SIAH1: variants seen among roughly 807,000 people sequenced by gnomAD.
The protein encoded by SIAH1 is siah E3 ubiquitin protein ligase 1, also known as E3 ubiquitin-protein ligase SIAH1.
A neutral mutation model predicts 20.0 loss-of-function variants in SIAH1; 2 were observed. That is an observed-to-expected ratio of 0.10 (90% CI 0.04 to 0.31). The LOEUF is 0.31. SIAH1 is among the 10% of genes least tolerant of loss of function. SIAH1 has a pLI of 1.00. For synonymous variants in SIAH1, 118 were observed against 125.3 expected (o/e 0.94, Z 0.39); for missense variants, 119 against 355.3 (o/e 0.33, Z 5.35).
intron 1 of SIAH1, chr16:48,365,631 G>A: frequency 7.0e-7 from 1 of 1,431,008 alleles, no homozygotes; most frequent in Non-Finnish European, 9.1e-7. Flanking sequence ...TTACAGAGGT[G>A]GAGAAAGGAA....
At chr16:48,369,452 A>G (rs1475371534) in intron 1 of SIAH1, among the ~76,000 whole-genome samples, 2 of 152,234 alleles carry the variant, frequency 1.3e-5, no homozygotes, top group East Asian at 3.8e-4. Context: ...TAAACATTAG[A>G]TATACATGGA....
upstream of SIAH1, among the ~76,000 whole-genome samples, chr16:48,386,265 G>C (rs951003190): frequency 1.3e-5 from 2 of 152,202 alleles, no homozygotes; most frequent in African/African-American, 4.8e-5. Context: ...CCAGCACTTA[G>C]GGAGGCCGAG....
At chr16:48,366,512 G>T (rs191961532) in intron 1 of SIAH1, among the ~76,000 whole-genome samples, 2 of 152,264 alleles carry the variant, frequency 1.3e-5, no homozygotes, top group African/African-American at 4.8e-5. Flanking sequence ...CCTCCTAAGA[G>T]ATTATACTCT....
upstream of SIAH1, among the ~76,000 whole-genome samples, chr16:48,386,587 T>C (rs1479684277): frequency 6.6e-6 from 1 of 152,274 alleles, no homozygotes; most frequent in African/African-American, 2.4e-5. Context: ...AGTTTATATG[T>C]GCAAAACACT....
At chr16:48,385,454 C>CGGCGGCCATGAGGA (rs1447190627), upstream of SIAH1, 9 of 150,158 alleles carry the variant, frequency 6.0e-5, no homozygotes, top group Admixed American at 6.0e-4. Flanking sequence ...CACACTGCGG[C>CGGCGGCCATGAGGA]GGCGGCCATG....
rs959834047 is a variant in SIAH1 at position 48,360,647 on chromosome 16, G to A, written c.*933C>T. 5.2e-5 allele frequency: 8 copies of A among 152,566 alleles called. No homozygotes were observed. The highest frequency in any genetic ancestry group is 1.4e-4 in the African/African-American group (6 of 41,426). The allele number at this position is 152,566 out of a possible 1,614,324, so 9.5% of individuals were successfully genotyped here. A position where few individuals can be genotyped will look rare whatever the true frequency, so the allele number is the denominator to read the frequency against. ...TTTAATTACAAATACTGTGCATGAC[G>A]ATGCCTTCTTCTGCAAAACCAATAA... On this transcript the variant is annotated 3_prime_UTR_variant, in exon 2 of 2. Coordinates refer to ENST00000394725, the MANE Select transcript of SIAH1 (RefSeq NM_003031.4).
intron 1 of SIAH1, among the ~76,000 whole-genome samples, chr16:48,381,525 A>C (rs1961291731): frequency 1.3e-5 from 2 of 152,234 alleles, no homozygotes; most frequent in Non-Finnish European, 2.9e-5. Flanking sequence ...CAGTAGGTGA[A>C]TGGATAAACC....
Position 48,360,584 on chromosome 16 carries a change from A to AT in SIAH1, c.*995dup, listed in dbSNP as rs761279463. On this transcript the variant is annotated 3_prime_UTR_variant, in exon 2 of 2. Transcript: ENST00000394725. ...ATGAGAATTATAAAAGACCAAAAAC[A>AT]TTTTTTGCAAACTGCCTTTTTAAAC... is the stretch of plus-strand genomic sequence containing the variant. 6.6e-6 allele frequency: 1 copy of AT among 152,652 alleles called. No homozygotes were observed. Among genetic ancestry groups the AT allele is most frequent in the East Asian group, 1.9e-4 (1 of 5,202 alleles). 9.5% of individuals were successfully genotyped at this position (152,652 alleles called of 1,614,324 possible).
rs1960562010 is a variant in SIAH1 at position 48,361,000 on chromosome 16, C to G, written c.*580G>C. The G allele has an allele frequency of 6.6e-6, 1 of 151,866 alleles. No individual in the cohort carries two copies. Among genetic ancestry groups the G allele is most frequent in the South Asian group, 2.1e-4 (1 of 4,810 alleles). 9.4% of individuals were successfully genotyped at this position (151,866 alleles called of 1,614,324 possible). ...AAATTTTTTACCATAAACAAATATG[C>G]ATATCAAAAGATACTAACTTTAAAA... On this transcript the variant is annotated 3_prime_UTR_variant, in exon 2 of 2. Transcript: ENST00000394725.
chr16:48,368,419 G>A (rs1267546412), intron 1 of SIAH1, among the ~76,000 whole-genome samples: 1 of 152,230 alleles, frequency 6.6e-6, no homozygotes, highest in Non-Finnish European at 1.5e-5. Context: ...AAAACAGCTG[G>A]GCGTGGTGGC....
rs538295503 is a variant in SIAH1, at chr16:48,385,212, G to A, written c.-11C>T. On this transcript the variant is annotated 5_prime_UTR_variant, in exon 1 of 2. Coordinates refer to ENST00000394725, the MANE Select transcript of SIAH1 (RefSeq NM_003031.4). ...GGCCGGGCCCCACTTACCTGTGGGC[G>A]GAGAGCGCGCCTCGGACCCCGGTCC... 539 of 324,772 alleles carry A rather than the reference G, an allele frequency of 1.7e-3. 4 individuals carry two copies. The highest frequency in any genetic ancestry group is 0.013 in the Middle Eastern group (16 of 1,242). The allele number at this position is 324,772 out of a possible 1,614,324, so 20.1% of individuals were successfully genotyped here. A position where few individuals can be genotyped will look rare whatever the true frequency, so the allele number is the denominator to read the frequency against.
intron 1 of SIAH1, among the ~76,000 whole-genome samples, chr16:48,381,010 G>C (rs60745528): frequency 0.21 from 30,641 of 148,850 alleles, 3,872 homozygotes; most frequent in African/African-American, 0.35. Context: ...CAACAGGAAC[G>C]CTCATTCATT....
chr16:48,384,170 C>A lies in SIAH1; in HGVS notation c.-3+1034G>T, dbSNP rs1401499060. Among the ~76,000 whole-genome samples the A allele has an allele frequency of 2.0e-5, 3 of 152,130 alleles. No homozygotes were observed. In the East Asian group the frequency reaches 5.8e-4, roughly 29 times the overall value. On this transcript the variant is annotated intron_variant, in intron 1 of 1. Coordinates refer to ENST00000394725, the MANE Select transcript of SIAH1 (RefSeq NM_003031.4). The stretch of plus-strand genomic sequence containing the variant: ...GAGTTAACAATTTACCCTTGACAGC[C>A]GCTATAAGCAAAGGTAAATGCTCAA...
intron 1 of SIAH1, among the ~76,000 whole-genome samples, chr16:48,376,778 T>C (rs1243259340): frequency 6.6e-6 from 1 of 152,198 alleles, no homozygotes; most frequent in Admixed American, 6.5e-5. Context: ...ATATCCGAAG[T>C]TGTTCTAATA....
At chr16:48,385,018 A>AG (rs1961412222) in intron 1 of SIAH1, among the ~76,000 whole-genome samples, 186 bp downstream of exon 1, 1 of 146,408 alleles carries the variant, frequency 6.8e-6, no homozygotes, top group Non-Finnish European at 1.5e-5. Flanking sequence ...AAGGCAGGGG[A>AG]GGGGCGGGGG....
intron 1 of SIAH1, among the ~76,000 whole-genome samples, 179 bp downstream of exon 1, chr16:48,385,018 AGGGGCGG>A (rs1218360480): frequency 2.7e-5 from 4 of 146,408 alleles, no homozygotes; most frequent in Admixed American, 6.7e-5. Flanking sequence ...AAGGCAGGGG[AGGGGCGG>A]GGGGCGGCGC....
chr16:48,365,476 A>C (rs779281266), intron 1 of SIAH1: 9 of 1,612,878 alleles, frequency 5.6e-6, no homozygotes, highest in Non-Finnish European at 7.6e-6. Context: ...CTTTCCCGTC[A>C]TGAGAAGTCA....
rs751891520 is a variant in SIAH1, at chr16:48,361,518, G to A, written c.*62C>T. On this transcript the variant is annotated 3_prime_UTR_variant, in exon 2 of 2. Transcript: ENST00000394725. Reference sequence around the variant, plus strand: ...GAGTTTTAGGTTGGCAGACAGATGGGTGCCTTATTTTCTGTGAAACTGAAG... The same window carrying A: ...GAGTTTTAGGTTGGCAGACAGATGGATGCCTTATTTTCTGTGAAACTGAAG... 1 of 1,551,430 alleles carries A rather than the reference G, an allele frequency of 6.4e-7. No individual in the cohort carries two copies. The highest frequency in any genetic ancestry group is 8.8e-7 in the Non-Finnish European group (1 of 1,134,222).
Position 48,361,130 on chromosome 16 carries a change from C to T in SIAH1, c.*450G>A, listed in dbSNP as rs1960569370. ...AAATACACACAAAAAAAGCACACAG[C>T]AGCACTATGTATTGACTCACAAAGG... On this transcript the variant is annotated 3_prime_UTR_variant, in exon 2 of 2. Coordinates refer to ENST00000394725, the MANE Select transcript of SIAH1 (RefSeq NM_003031.4). 1 of 156,050 alleles carries T rather than the reference C, an allele frequency of 6.4e-6. No homozygotes were observed. The highest frequency in any genetic ancestry group is 1.4e-5 in the Non-Finnish European group (1 of 70,346). 9.7% of individuals were successfully genotyped at this position (156,050 alleles called of 1,614,324 possible). A position where few individuals can be genotyped will look rare whatever the true frequency, so the allele number is the denominator to read the frequency against.
Sources: gnomAD v4.1 joint callset for allele counts (sites outside exome capture counted in the v4.1 genomes callset) on GRCh38, gnomAD v4.1.1 for gene constraint, MANE v1.5 for transcripts, NCBI Gene and HGNC (gene_info 2026-07-23, HGNC 2026-07-21) for gene names.